The following BBS9 variants were observed in gnomAD, a reference collection of about 807,000 sequenced individuals.
The protein encoded by BBS9 is Bardet-Biedl syndrome 9.
In BBS9, 89 loss-of-function variants were observed where a neutral mutation model predicts 117.7. The observed-to-expected ratio is 0.76, with a 90% confidence interval of 0.64 to 0.90. BBS9 has a LOEUF of 0.90. Among genes scored for constraint, BBS9 ranks in the 40% least tolerant of loss-of-function variants. The probability of loss-of-function intolerance (pLI) is 0.00; values close to 1 mark genes in which losing one functional copy is unlikely to be tolerated. For synonymous variants in BBS9, 379 were observed against 370.9 expected, an observed-to-expected ratio of 1.02 and a Z score of -0.25; for missense variants, 982 against 1,042.2, an observed-to-expected ratio of 0.94 and a Z score of 0.80.
At position 33,371,989 on chromosome 7, in the gene BBS9, C is replaced by T. The variant is rs559316357; in HGVS notation, c.1789+4127C>T. ...ACCAAATCTGAGATGGTAAGGAAATCGGTGACGATTAGAGAAAACTGATAC... is the reference window on the plus strand; with the variant it reads ...ACCAAATCTGAGATGGTAAGGAAATTGGTGACGATTAGAGAAAACTGATAC... On this transcript the variant is annotated intron_variant, in intron 17 of 22. Transcript: ENST00000242067. 9.9e-5 allele frequency among the ~76,000 whole-genome samples: 15 copies of T among 152,164 alleles called. No individual in the cohort carries two copies. In the East Asian group the frequency reaches 1.9e-3, roughly 20 times the overall value.
chr7:33,462,856 T>G (rs1839665192), intron 19 of BBS9, among the ~76,000 whole-genome samples: 3 of 152,148 alleles, frequency 2.0e-5, no homozygotes, highest in Admixed American at 2.0e-4. Context: ...GAAGCAGTCA[T>G]GAAGCCATAC....
At chr7:33,617,514 C>T (rs755693284) in intron 21 of BBS9, among the ~76,000 whole-genome samples, 1 of 152,020 alleles carries the variant, frequency 6.6e-6, no homozygotes, top group Non-Finnish European at 1.5e-5. Context: ...TTGACACTGT[C>T]ATGGGAGTAA....
intron 19 of BBS9, among the ~76,000 whole-genome samples, chr7:33,469,353 A>C (rs1316956065): frequency 1.3e-5 from 2 of 152,170 alleles, no homozygotes; most frequent in Admixed American, 6.6e-5. Flanking sequence ...ATCAGTGTGC[A>C]CAGATATCTC....
At chr7:33,599,584 C>T (rs1033506260) in intron 21 of BBS9, among the ~76,000 whole-genome samples, 3 of 151,946 alleles carry the variant, frequency 2.0e-5, no homozygotes, top group Admixed American at 2.0e-4. Flanking sequence ...AGTCATAGGC[C>T]CCATAATAAA....
intron 19 of BBS9, among the ~76,000 whole-genome samples, chr7:33,491,994 G>A (rs1843980373): frequency 6.6e-6 from 1 of 152,000 alleles, no homozygotes; most frequent in South Asian, 2.1e-4. Flanking sequence ...GAAGCCAGGG[G>A]TTTGAGACCA....
At chr7:33,132,638 T>A (rs1789805986) in intron 1 of BBS9, among the ~76,000 whole-genome samples, 1 of 152,236 alleles carries the variant, frequency 6.6e-6, no homozygotes, top group Non-Finnish European at 1.5e-5. Context: ...GTTTATTTTG[T>A]AACCCAAAAG....
At chr7:33,236,049 C>T (rs1488110925) in intron 5 of BBS9, among the ~76,000 whole-genome samples, 3 of 151,954 alleles carry the variant, frequency 2.0e-5, no homozygotes, top group Admixed American at 6.6e-5. Context: ...AATACAAGGT[C>T]GGGCATGGTG....
chr7:33,169,260 G>A (rs1343785067), intron 4 of BBS9, among the ~76,000 whole-genome samples: 9 of 150,622 alleles, frequency 6.0e-5, no homozygotes, highest in East Asian at 2.0e-4. Flanking sequence ...GAATAATGCC[G>A]CAATAAACAT....
chr7:33,155,304 G>A (rs1044096094), intron 3 of BBS9, among the ~76,000 whole-genome samples: 5 of 152,092 alleles, frequency 3.3e-5, no homozygotes, highest in African/African-American at 9.7e-5. Context: ...CCAAAGTCAC[G>A]GATGAATTAG....
At chr7:33,632,473 G>A (rs1865938180) in intron 21 of BBS9, among the ~76,000 whole-genome samples, 1 of 152,306 alleles carries the variant, frequency 6.6e-6, no homozygotes, top group Admixed American at 6.5e-5. Context: ...CCCTCCAGCC[G>A]CGCTCCACCG....
intron 20 of BBS9, among the ~76,000 whole-genome samples, chr7:33,532,340 T>G (rs1585153422): frequency 6.6e-6 from 1 of 152,290 alleles, no homozygotes; most frequent in East Asian, 1.9e-4. Flanking sequence ...GTCTGACCAT[T>G]TGAATTTAGG....
intron 5 of BBS9, among the ~76,000 whole-genome samples, chr7:33,201,302 G>T (rs1785810984): frequency 6.6e-6 from 1 of 152,056 alleles, no homozygotes; most frequent in Non-Finnish European, 1.5e-5. Context: ...TTCAGAATAT[G>T]TGCTTTCTGT....
At chr7:33,565,253 T>C (rs956157037) in intron 21 of BBS9, among the ~76,000 whole-genome samples, 1 of 152,156 alleles carries the variant, frequency 6.6e-6, no homozygotes, top group African/African-American at 2.4e-5. Flanking sequence ...TTTACTGACT[T>C]GTCTTACTTT....
intron 19 of BBS9, among the ~76,000 whole-genome samples, chr7:33,418,291 T>TGC (rs1832327107): frequency 6.6e-6 from 1 of 152,196 alleles, no homozygotes; most frequent in Non-Finnish European, 1.5e-5. Context: ...GTTCCGGACA[T>TGC]ACAGTGTGAC....
At chr7:33,148,939 T>C (rs1267534284) in intron 2 of BBS9, among the ~76,000 whole-genome samples, 1 of 152,188 alleles carries the variant, frequency 6.6e-6, no homozygotes, top group Non-Finnish European at 1.5e-5. Context: ...GTTTTCATGC[T>C]CTTTAGCAGC....
At chr7:33,549,652 A>G (rs1186409743) in intron 21 of BBS9, among the ~76,000 whole-genome samples, 1 of 151,626 alleles carries the variant, frequency 6.6e-6, no homozygotes, top group African/African-American at 2.4e-5. Context: ...GAAGACGTTT[A>G]TGCAGCCAAA....
chr7:33,441,556 A>G (rs1554486493), intron 19 of BBS9, among the ~76,000 whole-genome samples: 1 of 152,134 alleles, frequency 6.6e-6, no homozygotes, highest in Non-Finnish European at 1.5e-5. Context: ...ATTTCTTTAG[A>G]ATGTTCTTTC....
At chr7:33,170,761 G>T (rs1796424483) in intron 4 of BBS9, among the ~76,000 whole-genome samples, 1 of 148,680 alleles carries the variant, frequency 6.7e-6, no homozygotes, top group African/African-American at 2.5e-5. Context: ...AAAGTCTCAG[G>T]ATACAAAATC....
At chr7:33,231,422 A>G (rs1001166661) in intron 5 of BBS9, among the ~76,000 whole-genome samples, 3 of 90,736 alleles carry the variant, frequency 3.3e-5, no homozygotes, top group African/African-American at 1.2e-4. Context: ...CCTCTGGCCT[A>G]TGTGTCTTTT....
Sources: gnomAD v4.1 joint callset for allele counts (sites outside exome capture counted in the v4.1 genomes callset) on GRCh38, gnomAD v4.1.1 for gene constraint, MANE v1.5 for transcripts, NCBI Gene and HGNC (gene_info 2026-07-23, HGNC 2026-07-21) for gene names.